Variants in SATB2 observed in about 807,000 individuals in gnomAD.
The protein encoded by SATB2 is DNA-binding protein SATB2.
In SATB2, 1 loss-of-function variant was observed where a neutral mutation model predicts 73.4. The ratio of observed to expected loss-of-function variants is 0.01; its 90% CI spans 0.00 to 0.06. The LOEUF (loss-of-function observed/expected upper bound fraction) is 0.06, where lower values mean the gene tolerates loss of function less well. Ranked by LOEUF, SATB2 falls within the 10% of genes least tolerant of loss-of-function variation. The pLI, the probability that SATB2 is intolerant of heterozygous loss-of-function variation, is 1.00. For missense variants in SATB2, 459 were observed against 945.8 expected (o/e 0.49, Z 6.75); for synonymous variants, 397 against 367.0 (o/e 1.08, Z -0.93).
upstream of SATB2, chr2:199,468,074 T>G: frequency 6.7e-6 from 1 of 148,406 alleles, no homozygotes; most frequent in South Asian, 2.1e-4. Flanking sequence ...CTCTCTCTCT[T>G]TTTTTTTTTT....
intron 5 of SATB2, among the ~76,000 whole-genome samples, chr2:199,371,002 T>C (rs1365059705): frequency 1.3e-5 from 2 of 149,680 alleles, no homozygotes; most frequent in Non-Finnish European, 3.0e-5. Context: ...GAATCTTTAA[T>C]CACCAGAAAA....
chr2:199,321,360 TATATGTATGTCTATACATAGAC>T (rs756580102), intron 9 of SATB2, among the ~76,000 whole-genome samples: 2,415 of 151,000 alleles, frequency 0.016, 35 homozygotes, highest in East Asian at 0.053. Context: ...TGTATAGATA[TATATGTATGTCTATACATAGAC>T]ATATATATGT....
intron 3 of SATB2, among the ~76,000 whole-genome samples, chr2:199,426,060 C>T (rs550390502): frequency 6.4e-4 from 98 of 152,098 alleles, no homozygotes; most frequent in African/African-American, 2.1e-3. Flanking sequence ...CTTTAGAGAG[C>T]CACAGAATTT....
chr2:199,410,815 A>G (rs1690790062), intron 3 of SATB2, among the ~76,000 whole-genome samples: 1 of 152,214 alleles, frequency 6.6e-6, no homozygotes, highest in South Asian at 2.1e-4. Flanking sequence ...TCCTATTATA[A>G]CTAAGCAGCT....
intron 2 of SATB2, among the ~76,000 whole-genome samples, chr2:199,453,997 T>C (rs1692202889): frequency 6.6e-6 from 1 of 152,094 alleles, no homozygotes; most frequent in Non-Finnish European, 1.5e-5. Context: ...GGCAGCTGGT[T>C]GAAACAAATC....
chr2:199,343,588 G>C (rs752947983), intron 7 of SATB2, among the ~76,000 whole-genome samples: 7 of 152,182 alleles, frequency 4.6e-5, no homozygotes, highest in Non-Finnish European at 1.0e-4. Flanking sequence ...CAATCTGCCT[G>C]CTGACCTCCT....
intron 6 of SATB2, among the ~76,000 whole-genome samples, chr2:199,366,543 G>A (rs1689290272): frequency 6.6e-6 from 1 of 151,826 alleles, no homozygotes; most frequent in South Asian, 2.1e-4. Context: ...CCACTCCCTT[G>A]GTTGATGAAT....
At chr2:199,292,983 AT>A (rs1411770833) in intron 10 of SATB2, among the ~76,000 whole-genome samples, 1 of 152,190 alleles carries the variant, frequency 6.6e-6, no homozygotes, top group Admixed American at 6.5e-5. Context: ...ATTATTAGAT[AT>A]GATTTTATTT....
intron 10 of SATB2, among the ~76,000 whole-genome samples, chr2:199,286,135 GAAA>G (rs10570313): frequency 3.3e-5 from 5 of 149,890 alleles, no homozygotes; most frequent in Admixed American, 6.6e-5. Context: ...ATAGTTTGGG[GAAA>G]AAAAAAAAAG....
intron 3 of SATB2, chr2:199,397,674 A>T (rs958038404): frequency 3.7e-6 from 1 of 270,026 alleles, no homozygotes; most frequent in African/African-American, 2.3e-5. Context: ...ATTTCACTTG[A>T]GGTCAGGAGT....
At chr2:199,343,729 T>C (rs1411785208) in intron 7 of SATB2, among the ~76,000 whole-genome samples, 2 of 152,212 alleles carry the variant, frequency 1.3e-5, no homozygotes, top group African/African-American at 4.8e-5. Context: ...TAAAAGGAAA[T>C]ACTCATACAT....
chr2:199,311,342 A>C (rs1395231160), intron 9 of SATB2, among the ~76,000 whole-genome samples: 1 of 152,150 alleles, frequency 6.6e-6, no homozygotes, highest in Non-Finnish European at 1.5e-5. Flanking sequence ...GATCAGATTA[A>C]GGGATGGAGC....
intron 7 of SATB2, chr2:199,348,195 A>C (rs1488046043): frequency 1.3e-5 from 2 of 152,480 alleles, no homozygotes; most frequent in Non-Finnish European, 2.9e-5. Context: ...AATATCTTAA[A>C]TCTAACTTTT....
At chr2:199,385,046 T>C (rs1689888591) in intron 3 of SATB2, among the ~76,000 whole-genome samples, 1 of 152,192 alleles carries the variant, frequency 6.6e-6, no homozygotes, top group South Asian at 2.1e-4. Flanking sequence ...TTCCCACCAC[T>C]TCCCCATTCA....
At chr2:199,276,952 G>T (rs548968711) in intron 10 of SATB2, among the ~76,000 whole-genome samples, 3 of 152,256 alleles carry the variant, frequency 2.0e-5, no homozygotes, top group African/African-American at 7.2e-5. Flanking sequence ...TAAATAAATT[G>T]TAGTATACTT....
At chr2:199,314,208 C>A (rs996718766) in intron 9 of SATB2, among the ~76,000 whole-genome samples, 5 of 152,140 alleles carry the variant, frequency 3.3e-5, no homozygotes, top group Non-Finnish European at 7.3e-5. Context: ...GTTTCTTACT[C>A]ATTTTACCAT....
chr2:199,429,257 G>A (rs988154747), intron 3 of SATB2, among the ~76,000 whole-genome samples: 3 of 152,076 alleles, frequency 2.0e-5, no homozygotes, highest in Non-Finnish European at 4.4e-5. Context: ...ATTCATGAAG[G>A]AAGTAAAATT....
At chr2:199,414,887 TAAGAG>T (rs1481450451) in intron 3 of SATB2, among the ~76,000 whole-genome samples, 1 of 151,886 alleles carries the variant, frequency 6.6e-6, no homozygotes, top group Non-Finnish European at 1.5e-5. Context: ...TGGCACGTGG[TAAGAG>T]GGGGTGAATG....
intron 10 of SATB2, among the ~76,000 whole-genome samples, chr2:199,291,206 A>AT (rs1202475217): frequency 2.6e-5 from 4 of 152,132 alleles, no homozygotes; most frequent in Admixed American, 6.5e-5. Flanking sequence ...CAATGTATAT[A>AT]TTTTTTTGCC....
Sources: gnomAD v4.1 joint callset for allele counts (sites outside exome capture counted in the v4.1 genomes callset) on GRCh38, gnomAD v4.1.1 for gene constraint, MANE v1.5 for transcripts, NCBI Gene and HGNC (gene_info 2026-07-23, HGNC 2026-07-21) for gene names.